PTPRD: variants seen among roughly 807,000 people sequenced by gnomAD.
The protein encoded by PTPRD is protein tyrosine phosphatase receptor type D.
In PTPRD, 34 loss-of-function variants were observed where a neutral mutation model predicts 214.5. That is an observed-to-expected ratio of 0.16 (90% CI 0.12 to 0.21). The LOEUF (loss-of-function observed/expected upper bound fraction) is 0.21, where lower values mean the gene tolerates loss of function less well. Ranked by LOEUF, PTPRD falls within the 10% of genes least tolerant of loss-of-function variation. The pLI, the probability that PTPRD is intolerant of heterozygous loss-of-function variation, is 1.00. For missense variants in PTPRD, 2,545 were observed against 2,398.7 expected, an observed-to-expected ratio of 1.06 and a Z score of -1.27; for synonymous variants, 1,128 against 845.7, an observed-to-expected ratio of 1.33 and a Z score of -5.79.
At position 8,374,370 on chromosome 9, in the gene PTPRD, A is replaced by G. The variant is rs149284346; in HGVS notation, c.4661+1566T>C. Among the ~76,000 whole-genome samples the G allele has an allele frequency of 3.3e-3, 503 of 152,070 alleles. 4 individuals are homozygous for G. The highest frequency in any genetic ancestry group is 0.011 in the African/African-American group (465 of 41,520). On this transcript the variant is annotated intron_variant, in intron 39 of 45. Transcript: ENST00000381196. ...CAAAGAACTGTGAGCATACAGACTGATCAAACTAGCACCTGAATTAAAACC... is the reference window on the plus strand; with the variant it reads ...CAAAGAACTGTGAGCATACAGACTGGTCAAACTAGCACCTGAATTAAAACC...
At position 9,001,126 on chromosome 9, in the gene PTPRD, G is replaced by A. The variant is rs189881149; in HGVS notation, c.-104+17571C>T. 1.3e-4 allele frequency among the ~76,000 whole-genome samples: 20 copies of A among 152,080 alleles called. No homozygotes were observed. The East Asian group carries it at 3.9e-3, about 30-fold the overall frequency. ...ATTAAAAAAGGCACCGGTTACTAAT[G>A]AAGCACTTTTGATTCATGCATCCAT... On this transcript the variant is annotated intron_variant, in intron 11 of 45. Coordinates refer to ENST00000381196, the MANE Select transcript of PTPRD (RefSeq NM_002839.4).
chr9:10,501,979 C>T (rs2043895177), intron 2 of PTPRD, among the ~76,000 whole-genome samples: 1 of 151,804 alleles, frequency 6.6e-6, no homozygotes, highest in Non-Finnish European at 1.5e-5. Flanking sequence ...TTTTAAAGCT[C>T]CTCAGGAGAT....
At chr9:9,730,272 TA>T (rs535582407) in intron 7 of PTPRD, among the ~76,000 whole-genome samples, 6 of 152,118 alleles carry the variant, frequency 3.9e-5, no homozygotes, top group East Asian at 1.9e-4. Flanking sequence ...ATAATACTGT[TA>T]AAAAAAATTC....
intron 10 of PTPRD, among the ~76,000 whole-genome samples, chr9:9,095,293 T>C (rs903232236): frequency 2.0e-5 from 3 of 151,838 alleles, no homozygotes; most frequent in Admixed American, 6.6e-5. Context: ...GGCATATAAA[T>C]AGAAAGAAAA....
chr9:9,806,145 G>A (rs1192987129), intron 5 of PTPRD, among the ~76,000 whole-genome samples: 1 of 152,106 alleles, frequency 6.6e-6, no homozygotes. Context: ...TGGTGTTAGA[G>A]TAGGTAGGCA....
chr9:9,795,413 G>A (rs1454646609), intron 5 of PTPRD, among the ~76,000 whole-genome samples: 7 of 152,086 alleles, frequency 4.6e-5, no homozygotes, highest in Admixed American at 6.6e-5. Flanking sequence ...GAGGGCCATT[G>A]CCACCCAGCC....
chr9:8,575,991 C>T (rs2092301665), intron 14 of PTPRD, among the ~76,000 whole-genome samples: 1 of 152,140 alleles, frequency 6.6e-6, no homozygotes, highest in Admixed American at 6.6e-5. Flanking sequence ...TTTACATTTA[C>T]AAATGAGATA....
intron 9 of PTPRD, among the ~76,000 whole-genome samples, chr9:9,244,026 C>G (rs1310970800): frequency 6.6e-6 from 1 of 152,140 alleles, no homozygotes; most frequent in African/African-American, 2.4e-5. Context: ...TGAGTGAACT[C>G]CCATTCACAA....
intron 14 of PTPRD, among the ~76,000 whole-genome samples, chr9:8,631,949 C>G (rs906169904): frequency 6.6e-6 from 1 of 151,900 alleles, no homozygotes; most frequent in Non-Finnish European, 1.5e-5. Flanking sequence ...AGAAATGTAG[C>G]TCAAATCTCA....
intron 36 of PTPRD, among the ~76,000 whole-genome samples, chr9:8,402,141 T>C (rs2092472287): frequency 6.6e-6 from 1 of 152,196 alleles, no homozygotes; most frequent in Non-Finnish European, 1.5e-5. Context: ...GTAATTTAGA[T>C]GAAAGCTCTC....
intron 3 of PTPRD, among the ~76,000 whole-genome samples, chr9:10,201,594 A>ATG (rs963868407): frequency 1.3e-5 from 2 of 151,324 alleles, no homozygotes; most frequent in East Asian, 1.9e-4. Flanking sequence ...GTGTGTGTGC[A>ATG]TGTGTGTGTG....
intron 9 of PTPRD, among the ~76,000 whole-genome samples, chr9:9,230,864 C>G (rs577073884): frequency 6.6e-6 from 1 of 152,184 alleles, no homozygotes; most frequent in South Asian, 2.1e-4. Flanking sequence ...TGTTGGATAA[C>G]CTAATTAAAA....
intron 9 of PTPRD, among the ~76,000 whole-genome samples, chr9:9,335,017 C>A (rs1595948727): frequency 6.6e-6 from 1 of 151,926 alleles, no homozygotes; most frequent in Non-Finnish European, 1.5e-5. Flanking sequence ...GTTTCAAAAG[C>A]AAAGACTTCA....
At chr9:10,336,731 G>T (rs747726655) in intron 3 of PTPRD, among the ~76,000 whole-genome samples, 1 of 151,280 alleles carries the variant, frequency 6.6e-6, no homozygotes, top group African/African-American at 2.4e-5. Flanking sequence ...AATAACAATC[G>T]GCAGAAACTA....
At chr9:10,480,371 G>A (rs2099089893) in intron 2 of PTPRD, among the ~76,000 whole-genome samples, 1 of 152,090 alleles carries the variant, frequency 6.6e-6, no homozygotes, top group Non-Finnish European at 1.5e-5. Context: ...GGATTATAAG[G>A]GGAATGAAGC....
chr9:8,621,602 A>G (rs2095827161), intron 14 of PTPRD, among the ~76,000 whole-genome samples: 2 of 151,680 alleles, frequency 1.3e-5, no homozygotes, highest in Non-Finnish European at 3.0e-5. Context: ...CTCCCAGATG[A>G]TGATTTATCT....
chr9:9,417,810 G>C (rs1413635346), intron 8 of PTPRD, among the ~76,000 whole-genome samples: 1 of 151,906 alleles, frequency 6.6e-6, no homozygotes, highest in East Asian at 1.9e-4. Flanking sequence ...CTTTGTGTCA[G>C]GATTAAATAA....
At chr9:8,941,427 A>T (rs1174094738) in intron 11 of PTPRD, among the ~76,000 whole-genome samples, 1 of 152,156 alleles carries the variant, frequency 6.6e-6, no homozygotes, top group Non-Finnish European at 1.5e-5. Context: ...GTGTATATAT[A>T]TAGTGATTTT....
intron 9 of PTPRD, among the ~76,000 whole-genome samples, chr9:9,263,505 C>G (rs979492714): frequency 6.6e-6 from 1 of 151,556 alleles, no homozygotes; most frequent in African/African-American, 2.4e-5. Context: ...TTTAGAAAGC[C>G]TTTGTGTAGT....
Sources: gnomAD v4.1 joint callset for allele counts (sites outside exome capture counted in the v4.1 genomes callset) on GRCh38, gnomAD v4.1.1 for gene constraint, MANE v1.5 for transcripts, NCBI Gene and HGNC (gene_info 2026-07-23, HGNC 2026-07-21) for gene names.